The following KCNA6 variants were observed in gnomAD, a reference collection of about 807,000 sequenced individuals.
KCNA6 encodes potassium voltage-gated channel subfamily A member 6, also known as human brain potassium channel-2.
Under a neutral mutation model 29.5 loss-of-function variants are expected in KCNA6, and 17 were observed. That is an observed-to-expected ratio of 0.58 (90% CI 0.39 to 0.86). The LOEUF (loss-of-function observed/expected upper bound fraction) is 0.86, where lower values mean the gene tolerates loss of function less well. Ranked by LOEUF, KCNA6 falls within the 40% of genes least tolerant of loss-of-function variation. KCNA6 has a pLI of 0.00. For missense variants in KCNA6, 450 were observed against 703.4 expected, an observed-to-expected ratio of 0.64 and a Z score of 4.07; for synonymous variants, 296 against 304.7, an observed-to-expected ratio of 0.97 and a Z score of 0.30.
At chr12:4,809,617 C>G (rs994956064) in exon 1 of KCNA6, 2 of 162,722 alleles carry the variant, frequency 1.2e-5, no homozygotes, top group African/African-American at 4.8e-5. Flanking sequence ...GCCGGGGGTC[C>G]GGAGCGGCTG....
the KCNA6 span, among the ~76,000 whole-genome samples, chr12:4,835,399 G>C: frequency 6.6e-6 from 1 of 152,184 alleles, no homozygotes; most frequent in Non-Finnish European, 1.5e-5. Context: ...CTCCCAAAGT[G>C]CTGGGATTAC....
the KCNA6 span, among the ~76,000 whole-genome samples, chr12:4,842,845 A>G: frequency 4.3e-3 from 651 of 152,308 alleles, 4 homozygotes; most frequent in African/African-American, 0.013. Flanking sequence ...GAGTGAAAGT[A>G]TCAGTCTGGC....
chr12:4,832,344 G>A, the KCNA6 span, among the ~76,000 whole-genome samples: 1 of 147,748 alleles, frequency 6.8e-6, no homozygotes, highest in Non-Finnish European at 1.5e-5. Flanking sequence ...CCTCCTCTGT[G>A]ACCCCACCCC....
exon 1 of KCNA6, chr12:4,809,414 G>A (rs910763956): frequency 6.6e-6 from 1 of 151,798 alleles, no homozygotes; most frequent in Non-Finnish European, 1.5e-5. Context: ...CCGCGCTCGG[G>A]CGCCGGGGCA....
chr12:4,849,809 T>C, the KCNA6 span, among the ~76,000 whole-genome samples: 3 of 152,246 alleles, frequency 2.0e-5, no homozygotes, highest in Non-Finnish European at 2.9e-5. Flanking sequence ...GGAAACCTTA[T>C]TTACCTTTTC....
At chr12:4,833,179 C>T in the KCNA6 span, among the ~76,000 whole-genome samples, 5 of 152,204 alleles carry the variant, frequency 3.3e-5, no homozygotes, top group Admixed American at 6.5e-5. Context: ...AATTAAAAAC[C>T]GAAAAGTTTG....
chr12:4,837,082 G>A, the KCNA6 span, among the ~76,000 whole-genome samples: 1 of 152,176 alleles, frequency 6.6e-6, no homozygotes, highest in African/African-American at 2.4e-5. Context: ...CCCCCCACAA[G>A]GGGTGAGGGG....
exon 1 of KCNA6, chr12:4,809,926 G>A (rs1177232174): frequency 1.6e-6 from 2 of 1,261,506 alleles, no homozygotes; most frequent in Non-Finnish European, 2.1e-6. Flanking sequence ...GAACCGGGAG[G>A]AGCGCGGGCC....
the KCNA6 span, among the ~76,000 whole-genome samples, chr12:4,846,454 T>A: frequency 6.6e-6 from 1 of 152,190 alleles, no homozygotes; most frequent in Non-Finnish European, 1.5e-5. Context: ...ATTATGATGG[T>A]GTCAATAGTA....
chr12:4,835,934 G>GTTTTTT, the KCNA6 span, among the ~76,000 whole-genome samples: 23 of 137,216 alleles, frequency 1.7e-4, no homozygotes, highest in African/African-American at 4.8e-4. Flanking sequence ...AAAAGTCGCT[G>GTTTTTT]TTTTTTTTTT....
At chr12:4,843,405 C>T in the KCNA6 span, among the ~76,000 whole-genome samples, 1 of 152,170 alleles carries the variant, frequency 6.6e-6, no homozygotes, top group Non-Finnish European at 1.5e-5. Context: ...TGGTCTCAAT[C>T]TCCTGACCTT....
In KCNA6 at chr12:4,810,910, C is replaced by A. The variant is rs1379139175; in HGVS notation, c.869C>A (p.Ala290Asp). 1 of 1,614,194 alleles carries A rather than the reference C, an allele frequency of 6.2e-7. No homozygotes were observed. Among genetic ancestry groups the A allele is most frequent in the African/African-American group, 1.3e-5 (1 of 75,060 alleles). ...TTCTCCGCCTGCCCTAGCAAGCCGG[C>A]CTTCTTCCGGAACATCATGAACATC... Residue 290 changes from alanine (A) to aspartate (D), a missense_variant, in exon 1 of 1, where the codon GCC becomes GAC. Ala to Asp is a moderately radical substitution (Grantham distance 126, BLOSUM62 -2). This residue lies in a region of KCNA6 where 46 missense variants were observed against 80.2 expected (regional missense o/e 0.57). Transcript: ENST00000280684. This position sits in a 1 kb window ranked among gnomAD's most constrained non-coding sequence, Gnocchi z 7.5.
downstream of KCNA6, among the ~76,000 whole-genome samples, chr12:4,816,249 GGTGTGTGTGTGTGTGT>G (rs59638657): frequency 3.2e-3 from 460 of 142,736 alleles, 8 homozygotes; most frequent in African/African-American, 0.011. Flanking sequence ...ACCACGAACT[GGTGTGTGTGTGTGTGT>G]GTGTGTGTGT....
rs533147484 is a variant in KCNA6, at chr12:4,810,330, C to T, written c.289C>T (p.Leu97Phe). 1.2e-6 allele frequency: 2 copies of T among 1,614,176 alleles called. No individual in the cohort carries two copies. The highest frequency in any genetic ancestry group is 1.1e-5 in the South Asian group (1 of 91,084). ...CAACCGGCCCAGCTTCGACGCCATCCTCTACTACTACCAGTCTGGGGGCCG... is the reference window on the plus strand; with the variant it reads ...CAACCGGCCCAGCTTCGACGCCATCTTCTACTACTACCAGTCTGGGGGCCG... The change falls in exon 1 of 1, where the codon CTC becomes TTC. Residue 97 changes from leucine to phenylalanine, a missense_variant. Around this residue, in one of 7 missense-constraint regions of KCNA6, gnomAD observed 133 missense variants for 217.5 expected, o/e 0.61. Coordinates refer to ENST00000280684, the Ensembl canonical transcript of KCNA6. The surrounding 1 kb of genome is among the most constrained non-coding windows in gnomAD (Gnocchi z 7.5).
the KCNA6 span, among the ~76,000 whole-genome samples, chr12:4,835,934 G>GTTTTTTTTTTTTT: frequency 7.3e-6 from 1 of 137,202 alleles, no homozygotes; most frequent in African/African-American, 2.7e-5. Flanking sequence ...AAAAGTCGCT[G>GTTTTTTTTTTTTT]TTTTTTTTTT....
the KCNA6 span, chr12:4,850,693 A>G: frequency 2.5e-6 from 1 of 406,814 alleles, no homozygotes; most frequent in Middle Eastern, 3.5e-4. This position sits in a 1 kb window ranked among gnomAD's most constrained non-coding sequence, Gnocchi z 5.4. Flanking sequence ...ACACAACCTC[A>G]TATCACTAAC....
At chr12:4,829,930 T>C in the KCNA6 span, among the ~76,000 whole-genome samples, 1 of 152,220 alleles carries the variant, frequency 6.6e-6, no homozygotes, top group African/African-American at 2.4e-5. Flanking sequence ...GCTGCACAGC[T>C]TCTCCCTCAG....
At chr12:4,825,330 T>A in the KCNA6 span, among the ~76,000 whole-genome samples, 12 of 152,172 alleles carry the variant, frequency 7.9e-5, no homozygotes, top group African/African-American at 2.9e-4. Flanking sequence ...GCACAATGCA[T>A]CTGAACATGA....
downstream of KCNA6, among the ~76,000 whole-genome samples, chr12:4,815,740 G>A (rs1946675392): frequency 6.6e-6 from 1 of 152,166 alleles, no homozygotes; most frequent in African/African-American, 2.4e-5. Flanking sequence ...AAAAGGAAAG[G>A]ACATAAATCT....
Sources: gnomAD v4.1 joint callset for allele counts (sites outside exome capture counted in the v4.1 genomes callset) on GRCh38, gnomAD v4.1.1 for gene constraint, gnomAD v4.1.1 regional missense constraint, Gnocchi (gnomAD v3.1) non-coding constraint, MANE v1.5 for transcripts, NCBI Gene and HGNC (gene_info 2026-07-23, HGNC 2026-07-21) for gene names.